GUCA1B: variants seen among roughly 807,000 people sequenced by gnomAD.
GUCA1B encodes the protein guanylate cyclase activator 1B, also known as guanylyl cyclase-activating protein 2.
GUCA1B carries 22 observed loss-of-function variants against 24.2 expected under a neutral mutation model. The ratio of observed to expected loss-of-function variants is 0.91; its 90% CI spans 0.65 to 1.30. The LOEUF (loss-of-function observed/expected upper bound fraction) is 1.30, where lower values mean the gene tolerates loss of function less well. Among genes scored for constraint, GUCA1B ranks in the 50% most tolerant of loss-of-function variants. The probability of loss-of-function intolerance (pLI) is 0.00; values close to 1 mark genes in which losing one functional copy is unlikely to be tolerated. For missense variants in GUCA1B, 221 were observed against 258.8 expected (o/e 0.85, Z 1.00); for synonymous variants, 100 against 97.9 (o/e 1.02, Z -0.13).
rs1232474333 is a variant in GUCA1B, at chr6:42,183,582, C to T, written c.*1233G>A. On this transcript the variant is annotated 3_prime_UTR_variant, in exon 4 of 4. Coordinates refer to ENST00000230361, the MANE Select transcript of GUCA1B (RefSeq NM_002098.6). ...AAAAACACAATAATCCAAAACTGTT[C>T]GCCTAGTCCGACCTGCTCACTGTGC... Among the ~76,000 whole-genome samples the T allele has an allele frequency of 1.3e-5, 2 of 152,148 alleles. No individual in the cohort carries two copies. The highest frequency in any genetic ancestry group is 3.8e-4 in the East Asian group (2 of 5,196).
rs1216655412 is a variant in GUCA1B, at chr6:42,194,821, G to T, written c.-1C>A. ...CCTCCCAGCTAAACTCCTGCCCCAT[G>T]CTAGCCCTGAGGAGCATCAGGGAGC... On this transcript the variant is annotated 5_prime_UTR_variant, in exon 1 of 4. Coordinates refer to ENST00000230361, the MANE Select transcript of GUCA1B (RefSeq NM_002098.6). 1.3e-6 allele frequency: 2 copies of T among 1,558,456 alleles called. No homozygotes were observed. Among genetic ancestry groups the T allele is most frequent in the Admixed American group, 3.9e-5 (2 of 51,422 alleles).
intron 1 of GUCA1B, among the ~76,000 whole-genome samples, chr6:42,194,283 C>T (rs551988394): frequency 6.6e-6 from 1 of 152,322 alleles, no homozygotes; most frequent in East Asian, 1.9e-4. Context: ...GGTCATTGGG[C>T]TGCAGAGTCT....
intron 1 of GUCA1B, among the ~76,000 whole-genome samples, chr6:42,189,838 G>A (rs929065336): frequency 2.6e-5 from 4 of 152,200 alleles, no homozygotes; most frequent in African/African-American, 9.7e-5. Context: ...GGGGTGACAG[G>A]CTGCTGTTGC....
intron 2 of GUCA1B, among the ~76,000 whole-genome samples, chr6:42,188,331 T>C (rs1768233117): frequency 6.7e-6 from 1 of 150,092 alleles, no homozygotes; most frequent in South Asian, 2.1e-4. Flanking sequence ...TGTGTGTGTG[T>C]GTTCCACAGA....
intron 2 of GUCA1B, among the ~76,000 whole-genome samples, chr6:42,186,690 A>G (rs991742803): frequency 3.9e-5 from 6 of 152,122 alleles, no homozygotes; most frequent in African/African-American, 1.4e-4. Context: ...CTCCCTGAGG[A>G]CAGAAGCTGC....
In GUCA1B at chr6:42,194,614, C is replaced by CAA; in HGVS notation, c.206_207insTT (p.Asp70TrpfsTer14). 1 of 1,601,772 alleles carries CAA rather than the reference C, an allele frequency of 6.2e-7. No individual in the cohort carries two copies. The highest frequency in any genetic ancestry group is 8.6e-7 in the Non-Finnish European group (1 of 1,168,682). ...GGTCCTTCCCTTCAGGGTGCCTTAC[C>CAA]CCATTCTTGTCGAAGGCTCGGAACA... On this transcript the variant is annotated frameshift_variant and splice_region_variant, in exon 1 of 4. Coordinates refer to ENST00000230361, the MANE Select transcript of GUCA1B (RefSeq NM_002098.6). LOFTEE classifies it high-confidence loss of function.
Position 42,184,637 on chromosome 6 carries a change from A to C in GUCA1B, c.*178T>G, listed in dbSNP as rs1325266998. The C allele has an allele frequency of 1.4e-6, 1 of 713,184 alleles. No individual in the cohort carries two copies. Among genetic ancestry groups the C allele is most frequent in the African/African-American group, 1.7e-5 (1 of 57,480 alleles). The allele number at this position is 713,184 out of a possible 1,614,324, so 44.2% of individuals were successfully genotyped here. A position where few individuals can be genotyped will look rare whatever the true frequency, so the allele number is the denominator to read the frequency against. ...CCCAGGGACTCCTCCAAAATGGACTATGCCCTGTTGGCCACTTCAAACCCA... is the reference window on the plus strand; with the variant it reads ...CCCAGGGACTCCTCCAAAATGGACTCTGCCCTGTTGGCCACTTCAAACCCA... On this transcript the variant is annotated 3_prime_UTR_variant, in exon 4 of 4. Transcript: ENST00000230361.
Position 42,183,847 on chromosome 6 carries a change from C to A in GUCA1B, c.*968G>T, listed in dbSNP as rs1253035567. On this transcript the variant is annotated 3_prime_UTR_variant, in exon 4 of 4. Transcript: ENST00000230361. ...TGTTGGGGGAGTGGTGGGTTGGCAGCAGGGGGTCCCAGAGCAGCACCCAGG... is the reference window on the plus strand; with the variant it reads ...TGTTGGGGGAGTGGTGGGTTGGCAGAAGGGGGTCCCAGAGCAGCACCCAGG... Among the ~76,000 whole-genome samples, 1 of 152,136 alleles carries A rather than the reference C, an allele frequency of 6.6e-6. No homozygotes were observed. Among genetic ancestry groups the A allele is most frequent in the Non-Finnish European group, 1.5e-5 (1 of 68,032 alleles).
intron 1 of GUCA1B, among the ~76,000 whole-genome samples, chr6:42,190,035 C>G (rs1219979126): frequency 1.3e-5 from 2 of 152,164 alleles, no homozygotes; most frequent in Non-Finnish European, 2.9e-5. Flanking sequence ...CACTTCTGTC[C>G]CACTGGGTCA....
chr6:42,185,845 A>C, intron 2 of GUCA1B, 48 bp from the exon 3 acceptor site: 1 of 1,148,466 alleles, frequency 8.7e-7, no homozygotes, highest in Non-Finnish European at 1.3e-6. Flanking sequence ...TGAAAGCTCC[A>C]CCTTCACCCC....
rs762404025 is a variant in GUCA1B, at chr6:42,188,705, G to C, written c.234C>G (p.Tyr78Ter). 1 of 1,613,990 alleles carries C rather than the reference G, an allele frequency of 6.2e-7. No homozygotes were observed. Among genetic ancestry groups the C allele is most frequent in the South Asian group, 1.1e-5 (1 of 91,042 alleles). The part of the protein sequence containing the change: ...NGDNTIDFLE[Y>*]VAALNLVLRG... ...TCAGCACGAGATTCAGAGCTGCCAC[G>C]TACTCCAGGAAGTCGATGGTGTTGT... The change falls in exon 2 of 4, where the codon TAC becomes TAG. Residue 78 changes from tyrosine to a stop codon, truncating the protein, a stop_gained. Coordinates refer to ENST00000230361, the MANE Select transcript of GUCA1B (RefSeq NM_002098.6). LOFTEE classifies it high-confidence loss of function.
intron 2 of GUCA1B, among the ~76,000 whole-genome samples, chr6:42,188,351 A>C (rs1768234122): frequency 6.7e-6 from 1 of 150,018 alleles, no homozygotes; most frequent in Non-Finnish European, 1.5e-5. Flanking sequence ...AGTATGTGGA[A>C]GTCTACTGCC....
chr6:42,192,684 C>T (rs1768331530), intron 1 of GUCA1B, among the ~76,000 whole-genome samples: 1 of 152,012 alleles, frequency 6.6e-6, no homozygotes, highest in Non-Finnish European at 1.5e-5. Context: ...TGCACTCTAG[C>T]CTGGGCAACA....
intron 1 of GUCA1B, among the ~76,000 whole-genome samples, chr6:42,192,387 AAAGAAAAGAAAAGAAAAGAAAAAGG>A (rs1562064900): frequency 2.1e-3 from 15 of 7,268 alleles, no homozygotes; most frequent in African/African-American, 6.4e-3. Context: ...AAAAGAGAGA[AAAGAAAAGAAAAGAAAAGAAAAAGG>A]AAAAAAGAAA....
At position 42,185,310 on chromosome 6, in the gene GUCA1B, C is replaced by T. The variant is rs114982185; in HGVS notation, c.476-368G>A. Reference sequence around the variant, plus strand: ...CCCAAGCAGCCTGAATGGAGGTCTACCCTATGCCTGCTCTTAAACACATTA... The same window carrying T: ...CCCAAGCAGCCTGAATGGAGGTCTATCCTATGCCTGCTCTTAAACACATTA... On this transcript the variant is annotated intron_variant, in intron 3 of 3. Coordinates refer to ENST00000230361, the MANE Select transcript of GUCA1B (RefSeq NM_002098.6). 5.5e-3 allele frequency among the ~76,000 whole-genome samples: 841 copies of T among 152,300 alleles called. 7 individuals carry two copies. The highest frequency in any genetic ancestry group is 0.018 in the African/African-American group (763 of 41,540).
At chr6:42,194,557 T>C (rs2113849588) in intron 1 of GUCA1B, 57 bp downstream of exon 1, 1 of 1,078,654 alleles carries the variant, frequency 9.3e-7, no homozygotes, top group South Asian at 1.2e-5. Context: ...TGAGGACACT[T>C]GTGGAGGAAG....
chr6:42,188,629 C>T lies in GUCA1B; in HGVS notation c.310G>A (p.Asp104Asn), dbSNP rs1486991919. Residue 104 changes from aspartate (D) to asparagine (N), a missense_variant, in exon 2 of 4, where the codon GAT (aspartate) becomes AAT (asparagine). Asp to Asn is a conservative substitution (Grantham distance 23). Transcript: ENST00000230361. ...AGGCGGTCGATGCAGCCATTGCCAT[C>T]CTTATCATAGATCTTGAATGTCCAC... ...LKWTFKIYDKDGNGCIDRLEL... is the reference protein window; with the variant it reads ...LKWTFKIYDKNGNGCIDRLEL... The T allele has an allele frequency of 1.2e-6, 2 of 1,614,174 alleles. No individual in the cohort carries two copies. Among genetic ancestry groups the T allele is most frequent in the Non-Finnish European group, 8.5e-7 (1 of 1,180,026 alleles).
chr6:42,191,828 C>G (rs1427808462), intron 1 of GUCA1B, among the ~76,000 whole-genome samples: 1 of 152,056 alleles, frequency 6.6e-6, no homozygotes, highest in Non-Finnish European at 1.5e-5. Flanking sequence ...ATGTCTTGTA[C>G]CGGATGGTAT....
intron 3 of GUCA1B, 130 bp from the exon 4 acceptor site, chr6:42,185,072 A>G: frequency 1.2e-6 from 1 of 800,562 alleles, no homozygotes; most frequent in Non-Finnish European, 2.1e-6. Context: ...CTCAGACCTC[A>G]AGCTTGCGGC....
Sources: gnomAD v4.1 joint callset for allele counts (sites outside exome capture counted in the v4.1 genomes callset) on GRCh38, gnomAD v4.1.1 for gene constraint, MANE v1.5 for transcripts, NCBI Gene and HGNC (gene_info 2026-07-23, HGNC 2026-07-21) for gene names.